CDK17: variants seen among roughly 807,000 people sequenced by gnomAD.
The protein encoded by CDK17 is cyclin dependent kinase 17.
CDK17 carries 24 observed loss-of-function variants against 77.6 expected under a neutral mutation model. The observed-to-expected ratio is 0.31, with a 90% confidence interval of 0.22 to 0.44. CDK17 has a LOEUF of 0.44. CDK17 is among the 20% of genes least tolerant of loss of function. CDK17 has a pLI of 1.00. For synonymous variants in CDK17, 203 were observed against 210.4 expected (o/e 0.96, Z 0.30); for missense variants, 429 against 622.5 (o/e 0.69, Z 3.31).
At chr12:96,390,913 G>A (rs1043684787) in intron 1 of CDK17, among the ~76,000 whole-genome samples, 5 of 151,478 alleles carry the variant, frequency 3.3e-5, no homozygotes, top group African/African-American at 9.7e-5. Context: ...GACCAGCCTG[G>A]CCAACACTAC....
intron 1 of CDK17, among the ~76,000 whole-genome samples, chr12:96,380,283 GT>G (rs71437211): frequency 1.8e-3 from 15 of 8,290 alleles, no homozygotes; most frequent in African/African-American, 2.7e-3. Context: ...TTTTTAGCTG[GT>G]TTTTTTTTTT....
intron 13 of CDK17, among the ~76,000 whole-genome samples, chr12:96,285,442 TG>T (rs1449902695): frequency 4.0e-5 from 6 of 151,542 alleles, no homozygotes; most frequent in Non-Finnish European, 8.8e-5. Context: ...TTTCAAAATT[TG>T]GGGGGGTTGG....
chr12:96,282,491 C>T lies in CDK17; in HGVS notation c.1456+18G>A. The stretch of plus-strand genomic sequence containing the variant: ...AAATAAAAATAAAGCAGGGAAAACA[C>T]TTTAGGATTTCTCTTACTTTCTGGT... On this transcript the variant is annotated intron_variant, in intron 15 of 16. Coordinates refer to ENST00000261211, the MANE Select transcript of CDK17 (RefSeq NM_002595.5). 6.5e-7 allele frequency: 1 copy of T among 1,535,058 alleles called. No homozygotes were observed. The highest frequency in any genetic ancestry group is 1.7e-5 in the Admixed American group (1 of 59,858).
intron 1 of CDK17, among the ~76,000 whole-genome samples, chr12:96,398,364 C>G (rs1333260867): frequency 2.0e-5 from 3 of 152,120 alleles, no homozygotes; most frequent in Non-Finnish European, 4.4e-5. Context: ...AAAGCAACAT[C>G]CCAACGTTTA....
chr12:96,391,436 T>C (rs1311831816), intron 1 of CDK17, among the ~76,000 whole-genome samples: 1 of 148,974 alleles, frequency 6.7e-6, no homozygotes, highest in South Asian at 2.1e-4. Flanking sequence ...ATTACAGGCC[T>C]GAGCCACCAC....
At chr12:96,317,142 G>C (rs1300756645) in intron 3 of CDK17, among the ~76,000 whole-genome samples, 8 of 147,978 alleles carry the variant, frequency 5.4e-5, no homozygotes, top group Non-Finnish European at 1.2e-4. Context: ...ACCAAGGCTC[G>C]AGAACTACAT....
intron 10 of CDK17, 68 bp downstream of exon 10, chr12:96,294,931 T>C: frequency 1.5e-6 from 2 of 1,331,584 alleles, no homozygotes; most frequent in South Asian, 1.5e-5. Context: ...ATTATGACAG[T>C]GGTTGATCTT....
At chr12:96,280,650 GA>G (rs1952165535) in intron 16 of CDK17, 157 bp downstream of exon 16, 1 of 1,430,310 alleles carries the variant, frequency 7.0e-7, no homozygotes, top group East Asian at 2.5e-5. Flanking sequence ...ACATCATACA[GA>G]AAAGTGAGTA....
chr12:96,374,668 ACT>A (rs1353857301), intron 1 of CDK17, among the ~76,000 whole-genome samples: 1 of 152,066 alleles, frequency 6.6e-6, no homozygotes, highest in Non-Finnish European at 1.5e-5. Context: ...AGATCTCAAG[ACT>A]CTGTGGAAAC....
Position 96,336,920 on chromosome 12 carries a change from C to T in CDK17, c.-29-2055G>A, listed in dbSNP as rs567414345. Among the ~76,000 whole-genome samples the T allele has an allele frequency of 4.6e-5, 7 of 152,286 alleles. No homozygotes were observed. The South Asian group carries it at 8.3e-4, about 18-fold the overall frequency. On this transcript the variant is annotated intron_variant, in intron 1 of 16. Transcript: ENST00000261211. The stretch of plus-strand genomic sequence containing the variant: ...TCCAAAGTCTGAACAATCTATCAAT[C>T]TGTTTCTCTTGTCAATTTTCTTCTC...
Position 96,301,241 on chromosome 12 carries a change from CAAAAAAAAA to C in CDK17, c.544-890_544-882del, listed in dbSNP as rs376295045. ...GCTACACCCCCCCTCAACACTCGGC[CAAAAAAAAA>C]AAAAAAAAACAAACAAACCCACAAC... On this transcript the variant is annotated intron_variant, in intron 5 of 16. Transcript: ENST00000261211. Among the ~76,000 whole-genome samples the C allele has an allele frequency of 2.3e-5, 2 of 85,578 alleles. 1 individual carries two copies. The highest frequency in any genetic ancestry group is 8.9e-5 in the African/African-American group (2 of 22,450). The allele number at this position is 85,578 out of a possible 152,430, so 56.1% of individuals were successfully genotyped here.
chr12:96,360,385 G>A (rs1358101976), intron 1 of CDK17, among the ~76,000 whole-genome samples: 3 of 152,170 alleles, frequency 2.0e-5, no homozygotes, highest in Non-Finnish European at 4.4e-5. Context: ...CAGTGAGAAT[G>A]AGGCATATTC....
intron 14 of CDK17, among the ~76,000 whole-genome samples, 169 bp downstream of exon 14, chr12:96,283,434 T>G (rs1952203678): frequency 7.2e-6 from 1 of 138,564 alleles, no homozygotes; most frequent in South Asian, 2.4e-4. Context: ...CCAGACACAT[T>G]AGGAGAAACC....
intron 1 of CDK17, among the ~76,000 whole-genome samples, chr12:96,370,272 A>G (rs1339486803): frequency 3.3e-5 from 5 of 152,226 alleles, no homozygotes; most frequent in African/African-American, 4.8e-5. Flanking sequence ...AAGTCTTATG[A>G]GTTGGTATTA....
At chr12:96,312,150 G>A (rs1446470498) in intron 4 of CDK17, among the ~76,000 whole-genome samples, 1 of 152,098 alleles carries the variant, frequency 6.6e-6, no homozygotes, top group African/African-American at 2.4e-5. Context: ...ATGGTGGTGT[G>A]TGCCTGTAGT....
chr12:96,288,890 A>C (rs1051285794), intron 11 of CDK17, among the ~76,000 whole-genome samples: 1 of 152,220 alleles, frequency 6.6e-6, no homozygotes, highest in African/African-American at 2.4e-5. Context: ...CACCTACAAC[A>C]CTTCAAAGTA....
intron 1 of CDK17, among the ~76,000 whole-genome samples, chr12:96,347,403 A>C (rs2137164725): frequency 6.6e-6 from 1 of 151,686 alleles, no homozygotes; most frequent in East Asian, 1.9e-4. Context: ...GTCTTTACTA[A>C]AAATACAAAA....
chr12:96,287,469 T>C (rs1952261438), intron 11 of CDK17, among the ~76,000 whole-genome samples: 2 of 152,188 alleles, frequency 1.3e-5, no homozygotes, highest in South Asian at 2.1e-4. Context: ...AGTAAAATGA[T>C]ATAGTTGCTA....
At chr12:96,330,032 A>G (rs935097621) in intron 2 of CDK17, among the ~76,000 whole-genome samples, 1 of 152,222 alleles carries the variant, frequency 6.6e-6, no homozygotes, top group Non-Finnish European at 1.5e-5. Flanking sequence ...TTAGCTGAAG[A>G]ATTTCAGTTG....
Sources: allele counts gnomAD v4.1 joint callset (sites outside exome capture counted in the v4.1 genomes callset), GRCh38; gene constraint gnomAD v4.1.1; transcripts MANE v1.5; gene names NCBI Gene and HGNC (gene_info 2026-07-23, HGNC 2026-07-21).